Variants in BTBD9 observed in about 807,000 individuals in gnomAD.
The protein encoded by BTBD9 is BTB domain containing 9.
BTBD9 carries 49 observed loss-of-function variants against 64.3 expected under a neutral mutation model. The observed-to-expected ratio is 0.76, with a 90% confidence interval of 0.61 to 0.97. The LOEUF (loss-of-function observed/expected upper bound fraction) is 0.97. BTBD9 is among the 50% of genes least tolerant of loss of function. BTBD9 has a pLI of 0.00. For synonymous variants in BTBD9, 260 were observed against 274.7 expected, an observed-to-expected ratio of 0.95 and a Z score of 0.53; for missense variants, 598 against 762.1, an observed-to-expected ratio of 0.78 and a Z score of 2.53.
rs1562095919 is a variant in BTBD9, at chr6:38,374,323, A to ATATATATATG, written c.1155-29231_1155-29230insCATATATATA. On this transcript the variant is annotated intron_variant, in intron 6 of 10. Transcript: ENST00000481247. ...TATATATATGTATATATATATATAT[A>ATATATATATG]TATGTATATAAAATCTGTACTCAAA... Among the ~76,000 whole-genome samples the ATATATATATG allele has an allele frequency of 6.3e-4, 77 of 121,802 alleles. 1 individual carries two copies. The highest frequency in any genetic ancestry group is 2.4e-3 in the African/African-American group (71 of 30,204). The allele number at this position is 121,802 out of a possible 152,430, so 79.9% of individuals were successfully genotyped here.
chr6:38,460,675 G>A (rs1463256006), intron 6 of BTBD9, among the ~76,000 whole-genome samples: 1 of 152,178 alleles, frequency 6.6e-6, no homozygotes, highest in Middle Eastern at 3.2e-3. Flanking sequence ...CGAGGCTGGA[G>A]TGCAGTGGCG....
intron 8 of BTBD9, among the ~76,000 whole-genome samples, chr6:38,268,168 G>T (rs1184448149): frequency 6.6e-6 from 1 of 152,164 alleles, no homozygotes; most frequent in Non-Finnish European, 1.5e-5. Context: ...CCATTTTGGA[G>T]AGTCTCACAT....
chr6:38,227,943 T>C (rs1763455191), intron 9 of BTBD9, among the ~76,000 whole-genome samples: 1 of 152,194 alleles, frequency 6.6e-6, no homozygotes, highest in South Asian at 2.1e-4. Context: ...AGATCAGTGG[T>C]TGCCAGAGGT....
At chr6:38,507,897 G>A (rs552120326) in intron 6 of BTBD9, among the ~76,000 whole-genome samples, 10 of 148,022 alleles carry the variant, frequency 6.8e-5, no homozygotes, top group East Asian at 2.0e-4. Context: ...GCAGTGGCGC[G>A]ATCTCGGCTC....
Position 38,592,628 on chromosome 6 carries a change from AATG to A in BTBD9, c.759_761del (p.Ile254del). ...TATCCCGGCTCTCAGATCGCACTTTAATGGCATCCAGGATGGCATCAGGAGACA... is the reference window on the plus strand; with the variant it reads ...TATCCCGGCTCTCAGATCGCACTTTAGCATCCAGGATGGCATCAGGAGACA... On this transcript the variant is annotated inframe_deletion, in exon 4 of 11. Coordinates refer to ENST00000481247, the MANE Select transcript of BTBD9 (RefSeq NM_001099272.2). 6.2e-7 allele frequency: 1 copy of A among 1,614,056 alleles called. No homozygotes were observed. Among genetic ancestry groups the A allele is most frequent in the Non-Finnish European group, 8.5e-7 (1 of 1,179,994 alleles).
intron 8 of BTBD9, among the ~76,000 whole-genome samples, chr6:38,266,194 A>T (rs940050586): frequency 3.3e-5 from 5 of 152,372 alleles, no homozygotes; most frequent in African/African-American, 1.2e-4. Context: ...TTATTTAATC[A>T]CTTGACAAAC....
At chr6:38,267,316 A>G (rs1765044892) in intron 8 of BTBD9, among the ~76,000 whole-genome samples, 2 of 152,252 alleles carry the variant, frequency 1.3e-5, no homozygotes, top group Non-Finnish European at 2.9e-5. Context: ...GAGGGCGATA[A>G]GAACAGACAG....
At chr6:38,474,551 A>AAG (rs1049599926) in intron 6 of BTBD9, among the ~76,000 whole-genome samples, 3 of 150,070 alleles carry the variant, frequency 2.0e-5, no homozygotes, top group African/African-American at 7.4e-5. Context: ...CGGAAAAGAA[A>AAG]AGAAGAGAAG....
chr6:38,455,809 C>T lies in BTBD9; in HGVS notation c.1155-110716G>A, dbSNP rs529444273. Reference sequence around the variant, plus strand: ...CCGCAACCTCCACCTCCTGGAGTAGCGGGGATTACAGGCATGCGCCACAAC... The same window carrying T: ...CCGCAACCTCCACCTCCTGGAGTAGTGGGGATTACAGGCATGCGCCACAAC... On this transcript the variant is annotated intron_variant, in intron 6 of 10. Coordinates refer to ENST00000481247, the MANE Select transcript of BTBD9 (RefSeq NM_001099272.2). Among the ~76,000 whole-genome samples, 17 of 151,956 alleles carry T rather than the reference C, an allele frequency of 1.1e-4. No individual in the cohort carries two copies. The South Asian group carries it at 2.3e-3, about 21-fold the overall frequency.
intron 6 of BTBD9, among the ~76,000 whole-genome samples, chr6:38,386,724 C>T (rs921256429): frequency 8.2e-5 from 12 of 146,772 alleles, no homozygotes; most frequent in African/African-American, 3.1e-4. Context: ...TGTTCTGCAA[C>T]CTCTGCCTCC....
At position 38,514,725 on chromosome 6, in the gene BTBD9, T is replaced by A. The variant is rs141544230; in HGVS notation, c.1154+62875A>T. 6.6e-5 allele frequency among the ~76,000 whole-genome samples: 10 copies of A among 152,274 alleles called. No homozygotes were observed. In the East Asian group the frequency reaches 1.7e-3, roughly 26 times the overall value. ...GGTGATGTGCTTTCAGTGGGTAGAA[T>A]AAAATAAAAAGGTTTTAAAAGGGTC... On this transcript the variant is annotated intron_variant, in intron 6 of 10. Coordinates refer to ENST00000481247, the MANE Select transcript of BTBD9 (RefSeq NM_001099272.2).
At chr6:38,271,712 T>G (rs1765201644) in intron 8 of BTBD9, among the ~76,000 whole-genome samples, 1 of 152,196 alleles carries the variant, frequency 6.6e-6, no homozygotes, top group South Asian at 2.1e-4. Context: ...CTGTTCTATT[T>G]GAGCAGTAAA....
At chr6:38,274,613 C>T (rs1765314720) in intron 8 of BTBD9, among the ~76,000 whole-genome samples, 2 of 152,096 alleles carry the variant, frequency 1.3e-5, no homozygotes, top group Non-Finnish European at 2.9e-5. Flanking sequence ...TTGTCAAAGG[C>T]CTTTTCTGCA....
At chr6:38,477,337 C>G (rs1770930794) in intron 6 of BTBD9, among the ~76,000 whole-genome samples, 1 of 152,154 alleles carries the variant, frequency 6.6e-6, no homozygotes, top group Non-Finnish European at 1.5e-5. Flanking sequence ...TACCTAGTAC[C>G]TACTATGTGC....
intron 10 of BTBD9, among the ~76,000 whole-genome samples, chr6:38,187,441 G>C (rs1037713615): frequency 6.6e-6 from 1 of 152,178 alleles, no homozygotes; most frequent in Non-Finnish European, 1.5e-5. Flanking sequence ...CAATGGAAGC[G>C]GAGGGTGGAT....
At chr6:38,610,752 G>A (rs1307457956) in intron 1 of BTBD9, among the ~76,000 whole-genome samples, 2 of 152,118 alleles carry the variant, frequency 1.3e-5, no homozygotes, top group African/African-American at 2.4e-5. Flanking sequence ...AGGAAACAAT[G>A]TTCTCATATA....
At chr6:38,441,807 C>G (rs1363081757) in intron 6 of BTBD9, among the ~76,000 whole-genome samples, 1 of 152,070 alleles carries the variant, frequency 6.6e-6, no homozygotes, top group Non-Finnish European at 1.5e-5. Flanking sequence ...ACATATATTA[C>G]CTCATTATTC....
At chr6:38,245,909 T>C (rs2127527738) in intron 9 of BTBD9, among the ~76,000 whole-genome samples, 1 of 152,198 alleles carries the variant, frequency 6.6e-6, no homozygotes, top group South Asian at 2.1e-4. Flanking sequence ...GTATGCTTCA[T>C]TTTTTTTATA....
intron 7 of BTBD9, among the ~76,000 whole-genome samples, chr6:38,315,592 TTTAATTTGCA>T (rs767337991): frequency 6.6e-5 from 10 of 152,190 alleles, no homozygotes; most frequent in Non-Finnish European, 1.3e-4. Context: ...AGGCATACTG[TTTAATTTGCA>T]TGTGTTTGGA....
Sources: allele counts gnomAD v4.1 joint callset (sites outside exome capture counted in the v4.1 genomes callset), GRCh38; gene constraint gnomAD v4.1.1; transcripts MANE v1.5; gene names NCBI Gene and HGNC (gene_info 2026-07-23, HGNC 2026-07-21).